The following DYSF variants were observed in gnomAD, a reference collection of about 807,000 sequenced individuals.
DYSF encodes dystrophy-associated fer-1-like 1.
Under a neutral mutation model 274.9 loss-of-function variants are expected in DYSF, and 212 were observed. The observed-to-expected ratio is 0.77, with a 90% confidence interval of 0.69 to 0.86. DYSF has a LOEUF of 0.86. Among genes scored for constraint, DYSF ranks in the 40% least tolerant of loss-of-function variants. DYSF has a pLI of 0.00. For missense variants in DYSF, 2,666 were observed against 2,783.2 expected (o/e 0.96, Z 0.95); for synonymous variants, 1,091 against 1,078.7 (o/e 1.01, Z -0.22).
At chr2:71,496,762 C>G (rs1035581598) in intron 3 of DYSF, among the ~76,000 whole-genome samples, 5 of 152,090 alleles carry the variant, frequency 3.3e-5, no homozygotes. Context: ...CCAAGGTCAA[C>G]AAGGCTCCAG....
chr2:71,486,405 T>C lies in DYSF; in HGVS notation c.239+4435T>C, dbSNP rs76595007. On this transcript the variant is annotated intron_variant, in intron 3 of 55. Coordinates refer to ENST00000410020, the MANE Select transcript of DYSF (RefSeq NM_001130987.2). ...CTCCTGCTTTGCTTCTTTTCCTTCC[T>C]GTGCCCCTCCTTTTATTCTTTCTCT... is the stretch of plus-strand genomic sequence containing the variant. Among the ~76,000 whole-genome samples, 87 of 152,190 alleles carry C rather than the reference T, an allele frequency of 5.7e-4. 4 individuals carry two copies. The East Asian group carries it at 0.015, about 25-fold the overall frequency.
intron 36 of DYSF, chr2:71,610,791 G>A (rs1014533082): frequency 2.2e-5 from 6 of 273,060 alleles, no homozygotes; most frequent in South Asian, 8.0e-5. Flanking sequence ...ATGATAACCC[G>A]GAAGGGTCTG....
At chr2:71,570,470 A>G in intron 28 of DYSF, 129 bp from the exon 29 acceptor site, 1 of 1,457,844 alleles carries the variant, frequency 6.9e-7, no homozygotes, top group Non-Finnish European at 9.4e-7. Flanking sequence ...CCCCCACTCC[A>G]AGCTGCAAAT....
In DYSF at chr2:71,682,642, C is replaced by G. The variant is rs1323707735; in HGVS notation, c.6286C>G (p.Leu2096Val). 4.3e-6 allele frequency: 7 copies of G among 1,614,086 alleles called. No individual in the cohort carries two copies. In the East Asian group the frequency reaches 1.6e-4, roughly 36 times the overall value. The change falls in exon 55 of 56, where the codon CTG (leucine) becomes GTG (valine). Residue 2096 changes from leucine to valine, a missense_variant. Leu to Val is a conservative substitution (Grantham distance 32). Coordinates refer to ENST00000410020, the MANE Select transcript of DYSF (RefSeq NM_001130987.2). ...IILFIILFIL[L>V]LFLAIFIYAF... ...CCTCTTCATCATCCTCTTCATCCTGCTGCTGTTCCTGGCCATCTTCATCTA... is the reference window on the plus strand; with the variant it reads ...CCTCTTCATCATCCTCTTCATCCTGGTGCTGTTCCTGGCCATCTTCATCTA...
intron 14 of DYSF, among the ~76,000 whole-genome samples, chr2:71,528,611 G>T (rs563549589): frequency 2.5e-4 from 38 of 152,306 alleles, no homozygotes; most frequent in African/African-American, 8.9e-4. Flanking sequence ...CTGCCTGGGG[G>T]TGTCCCAGAC....
chr2:71,685,558 G>A (rs183821407), intron 55 of DYSF, among the ~76,000 whole-genome samples: 7 of 152,352 alleles, frequency 4.6e-5, no homozygotes, highest in Admixed American at 1.3e-4. Flanking sequence ...CCAAGCCAGG[G>A]CCTAGTGGAG....
upstream of DYSF, among the ~76,000 whole-genome samples, chr2:71,465,115 T>C (rs1048783317): frequency 6.6e-6 from 1 of 152,136 alleles, no homozygotes; most frequent in African/African-American, 2.4e-5. Context: ...GTGTGCTTTC[T>C]TGAGAGCAAT....
chr2:71,523,837 G>A (rs1040018356), intron 12 of DYSF, among the ~76,000 whole-genome samples: 9 of 152,104 alleles, frequency 5.9e-5, no homozygotes, highest in African/African-American at 1.9e-4. Context: ...GAGCCACTGC[G>A]CCTGGCCGCC....
intron 3 of DYSF, among the ~76,000 whole-genome samples, chr2:71,490,392 T>C (rs1424102872): frequency 6.6e-6 from 1 of 152,162 alleles, no homozygotes; most frequent in Non-Finnish European, 1.5e-5. Context: ...CAGGCTGGAG[T>C]GCAATGGCAC....
chr2:71,573,529 G>C (rs942532500), intron 29 of DYSF, among the ~76,000 whole-genome samples: 6 of 152,190 alleles, frequency 3.9e-5, no homozygotes, highest in African/African-American at 1.4e-4. Flanking sequence ...AGGTACAGGG[G>C]TGCCTCCATA....
At chr2:71,578,921 C>T (rs536945042) in intron 30 of DYSF, among the ~76,000 whole-genome samples, 24 of 152,370 alleles carry the variant, frequency 1.6e-4, no homozygotes, top group African/African-American at 4.8e-4. Flanking sequence ...TGCTAATCGT[C>T]TGCTGTCTCC....
intron 47 of DYSF, among the ~76,000 whole-genome samples, chr2:71,665,793 C>T (rs999094189): frequency 6.6e-6 from 1 of 152,196 alleles, no homozygotes; most frequent in African/African-American, 2.4e-5. Context: ...GGCAGGCAGG[C>T]CTTGTAGTGC....
chr2:71,662,482 A>G (rs1008505015), intron 45 of DYSF, among the ~76,000 whole-genome samples: 6 of 147,254 alleles, frequency 4.1e-5, no homozygotes, highest in Non-Finnish European at 7.5e-5. Context: ...GTGCGTGTGT[A>G]TGTATTTGTG....
At chr2:71,666,114 C>T (rs2094999975) in intron 47 of DYSF, among the ~76,000 whole-genome samples, 1 of 151,910 alleles carries the variant, frequency 6.6e-6, no homozygotes, top group Admixed American at 6.6e-5. Flanking sequence ...CCATAAGGCG[C>T]CCCCAGCCCT....
chr2:71,456,375 C>G (rs2081064141), intron 1 of DYSF, among the ~76,000 whole-genome samples: 1 of 152,146 alleles, frequency 6.6e-6, no homozygotes, highest in African/African-American at 2.4e-5. Context: ...AGCCAAGCTC[C>G]TAACCCATGT....
At chr2:71,537,223 G>GTTTTGTTTTTTTT (rs1553536523) in intron 16 of DYSF, among the ~76,000 whole-genome samples, 15 of 79,638 alleles carry the variant, frequency 1.9e-4, no homozygotes, top group African/African-American at 4.2e-4. Context: ...TTCTAGTTTT[G>GTTTTGTTTTTTTT]TTTTTTTTTT....
intron 41 of DYSF, among the ~76,000 whole-genome samples, chr2:71,638,279 G>A (rs1221962034): frequency 6.7e-6 from 1 of 150,078 alleles, no homozygotes; most frequent in Non-Finnish European, 1.5e-5. Flanking sequence ...CTTATTTAAA[G>A]TGTACAGTTT....
intron 13 of DYSF, 75 bp downstream of exon 13, chr2:71,526,421 C>CCTGGGG: frequency 3.7e-6 from 1 of 272,074 alleles, no homozygotes; most frequent in Non-Finnish European, 6.7e-6. Flanking sequence ...TGGGCGATGG[C>CCTGGGG]GGGCGGGGTC....
At chr2:71,513,447 A>T in intron 6 of DYSF, 115 bp downstream of exon 6, 1 of 1,155,510 alleles carries the variant, frequency 8.7e-7, no homozygotes. Context: ...CTCCTGCAGG[A>T]CTTGGCGGGT....
Sources: gnomAD v4.1 joint callset for allele counts (sites outside exome capture counted in the v4.1 genomes callset) on GRCh38, gnomAD v4.1.1 for gene constraint, MANE v1.5 for transcripts, NCBI Gene and HGNC (gene_info 2026-07-23, HGNC 2026-07-21) for gene names.